Variants in CLDN11 observed in about 807,000 individuals in gnomAD.
CLDN11 encodes the protein claudin 11, also known as claudin-11.
A neutral mutation model predicts 18.0 loss-of-function variants in CLDN11; 1 was observed. That is an observed-to-expected ratio of 0.06 (90% confidence interval 0.02 to 0.26). The LOEUF is 0.26. CLDN11 is among the 10% of genes least tolerant of loss of function. The pLI is 1.00. For missense variants in CLDN11, 172 were observed against 276.6 expected, an observed-to-expected ratio of 0.62 and a Z score of 2.68; for synonymous variants, 116 against 121.5, an observed-to-expected ratio of 0.96 and a Z score of 0.30.
At position 170,418,980 on chromosome 3, in the gene CLDN11, T is replaced by C. The variant is rs1738653764; in HGVS notation, c.-87T>C. The stretch of plus-strand genomic sequence containing the variant: ...GTCGCCCTCCAGCGGCTCGCGAGCG[T>C]GGGAGACGTACCTGGGCAGGCACTG... On this transcript the variant is annotated 5_prime_UTR_variant, in exon 1 of 3. Transcript: ENST00000064724. This position sits in a 1 kb window ranked among gnomAD's most constrained non-coding sequence, Gnocchi z 4.3. 2.0e-6 allele frequency: 2 copies of C among 996,438 alleles called. No individual in the cohort carries two copies. The highest frequency in any genetic ancestry group is 3.0e-6 in the Non-Finnish European group (2 of 666,398). The allele number at this position is 996,438 out of a possible 1,614,324, so 61.7% of individuals were successfully genotyped here. A position where few individuals can be genotyped will look rare whatever the true frequency, so the allele number is the denominator to read the frequency against.
intron 2 of CLDN11, among the ~76,000 whole-genome samples, chr3:170,425,618 G>T (rs1738835662): frequency 6.6e-6 from 1 of 152,138 alleles, no homozygotes; most frequent in African/African-American, 2.4e-5. Flanking sequence ...CTGGGGAGTG[G>T]GTGAGTGCCT....
rs1739072225 is a variant in CLDN11, at chr3:170,433,900, C to G, written c.*1144C>G. The G allele has an allele frequency of 6.6e-6, 1 of 152,484 alleles. No individual in the cohort carries two copies. The highest frequency in any genetic ancestry group is 1.5e-5 in the Non-Finnish European group (1 of 68,020). 9.4% of individuals were successfully genotyped at this position (152,484 alleles called of 1,614,324 possible). A position where few individuals can be genotyped will look rare whatever the true frequency, so the allele number is the denominator to read the frequency against. On this transcript the variant is annotated 3_prime_UTR_variant, in exon 3 of 3. Coordinates refer to ENST00000064724, the MANE Select transcript of CLDN11 (RefSeq NM_005602.6). The stretch of plus-strand genomic sequence containing the variant: ...AAACTAACACATTTTTAAAGCTTTC[C>G]CCCACTTTTCTCTCTATTTGTATTG...
Position 170,432,683 on chromosome 3 carries a change from C to A in CLDN11, c.551C>A (p.Ala184Asp). ...VILCCAGDAQ[A>D]FGENRFYYTA... ...CTCTGCTGCGCTGGAGATGCCCAGG[C>A]CTTTGGTGAAAACCGTTTCTACTAC... is the stretch of plus-strand genomic sequence containing the variant. Residue 184 changes from alanine to aspartate, a missense_variant, in exon 3 of 3, where the codon GCC becomes GAC. This residue lies in a region of CLDN11 where 161 missense variants were observed against 240.3 expected (regional missense o/e 0.67). Transcript: ENST00000064724. 1.2e-6 allele frequency: 2 copies of A among 1,614,188 alleles called. No individual in the cohort carries two copies. Among genetic ancestry groups the A allele is most frequent in the Non-Finnish European group, 1.7e-6 (2 of 1,180,034 alleles).
At position 170,433,806 on chromosome 3, in the gene CLDN11, G is replaced by A. The variant is rs1739070278; in HGVS notation, c.*1050G>A. ...GCAAGTGAGTATAACTCTAACTGAT[G>A]TTCCACAAAACATTTTTGATTTCAG... On this transcript the variant is annotated 3_prime_UTR_variant, in exon 3 of 3. Coordinates refer to ENST00000064724, the MANE Select transcript of CLDN11 (RefSeq NM_005602.6). 6.6e-6 allele frequency: 1 copy of A among 152,608 alleles called. No homozygotes were observed. Among genetic ancestry groups the A allele is most frequent in the Non-Finnish European group, 1.5e-5 (1 of 68,034 alleles). The allele number at this position is 152,608 out of a possible 1,614,324, so 9.5% of individuals were successfully genotyped here. A position where few individuals can be genotyped will look rare whatever the true frequency, so the allele number is the denominator to read the frequency against.
rs551425733 is a variant in CLDN11 at position 170,434,419 on chromosome 3, A to C, written c.*1663A>C. The stretch of plus-strand genomic sequence containing the variant: ...TTAATGTCCTTCATCTACTTCTAAC[A>C]CTTAGTAAAGGAATTGATTGGCTAG... On this transcript the variant is annotated 3_prime_UTR_variant, in exon 3 of 3. Coordinates refer to ENST00000064724, the MANE Select transcript of CLDN11 (RefSeq NM_005602.6). Among the ~76,000 whole-genome samples, 2 of 152,338 alleles carry C rather than the reference A, an allele frequency of 1.3e-5. No individual in the cohort carries two copies. The highest frequency in any genetic ancestry group is 4.1e-4 in the South Asian group (2 of 4,834).
intron 2 of CLDN11, among the ~76,000 whole-genome samples, chr3:170,426,502 G>A (rs986937492): frequency 6.6e-6 from 1 of 152,200 alleles, no homozygotes; most frequent in East Asian, 1.9e-4. Context: ...GCTGGAGTCA[G>A]ATCCAACTGT....
Position 170,418,884 on chromosome 3 carries a change from C to G in CLDN11, c.-183C>G. On this transcript the variant is annotated 5_prime_UTR_variant, in exon 1 of 3. Transcript: ENST00000064724. The surrounding 1 kb of genome is among the most constrained non-coding windows in gnomAD (Gnocchi z 4.3). Reference sequence around the variant, plus strand: ...CTGCCCAGCAGCGCTGCTGTCCCCGCCGTGCGCCCTTCGCCGCTGAGCTCG... The same window carrying G: ...CTGCCCAGCAGCGCTGCTGTCCCCGGCGTGCGCCCTTCGCCGCTGAGCTCG... 1.8e-6 allele frequency: 1 copy of G among 558,168 alleles called. No homozygotes were observed. Among genetic ancestry groups the G allele is most frequent in the Non-Finnish European group, 3.2e-6 (1 of 315,334 alleles). The allele number at this position is 558,168 out of a possible 1,614,324, so 34.6% of individuals were successfully genotyped here. A position where few individuals can be genotyped will look rare whatever the true frequency, so the allele number is the denominator to read the frequency against.
At position 170,419,559 on chromosome 3, in the gene CLDN11, G is replaced by T. The variant is rs565889914; in HGVS notation, c.226+267G>T. On this transcript the variant is annotated intron_variant, in intron 1 of 2. Coordinates refer to ENST00000064724, the MANE Select transcript of CLDN11 (RefSeq NM_005602.6). The surrounding 1 kb of genome is among the most constrained non-coding windows in gnomAD (Gnocchi z 8.6). ...GGGTCCCTTTGAGAATGAACAAACC[G>T]GAACACCTAATAGGAACTGAGTCCG... 5.3e-5 allele frequency among the ~76,000 whole-genome samples: 8 copies of T among 152,316 alleles called. No individual in the cohort carries two copies. The highest frequency in any genetic ancestry group is 1.2e-4 in the Non-Finnish European group (8 of 68,034).
chr3:170,434,069 T>G lies in CLDN11; in HGVS notation c.*1313T>G, dbSNP rs1739075967. 1 of 152,632 alleles carries G rather than the reference T, an allele frequency of 6.6e-6. No homozygotes were observed. The highest frequency in any genetic ancestry group is 2.1e-4 in the South Asian group (1 of 4,824). The allele number at this position is 152,632 out of a possible 1,614,324, so 9.5% of individuals were successfully genotyped here. On this transcript the variant is annotated 3_prime_UTR_variant, in exon 3 of 3. Coordinates refer to ENST00000064724, the MANE Select transcript of CLDN11 (RefSeq NM_005602.6). Reference sequence around the variant, plus strand: ...TGCATTTTATTCTTGAAGTGAAATCTGTGCAATAAAATAACAGACTGTCTG... The same window carrying G: ...TGCATTTTATTCTTGAAGTGAAATCGGTGCAATAAAATAACAGACTGTCTG...
At chr3:170,424,459 A>G (rs868572843) in intron 2 of CLDN11, among the ~76,000 whole-genome samples, 8 of 152,154 alleles carry the variant, frequency 5.3e-5, no homozygotes, top group African/African-American at 1.9e-4. Flanking sequence ...TGCTGATTAT[A>G]CCTGCACATA....
chr3:170,422,239 A>G lies in CLDN11; in HGVS notation c.227-924A>G, dbSNP rs556634149. 5.5e-5 allele frequency among the ~76,000 whole-genome samples: 8 copies of G among 146,038 alleles called. 1 individual carries two copies. Among genetic ancestry groups the G allele is most frequent in the South Asian group, 4.5e-4 (2 of 4,444 alleles). On this transcript the variant is annotated intron_variant, in intron 1 of 2. Transcript: ENST00000064724. ...TGGTTAGGAGAAAATCACCTAGGAC[A>G]CCTGAAGATGAAAGCGCTGCACTGA...
Position 170,419,809 on chromosome 3 carries a change from C to T in CLDN11, c.226+517C>T, listed in dbSNP as rs1420302066. Among the ~76,000 whole-genome samples the T allele has an allele frequency of 1.3e-5, 2 of 152,252 alleles. No individual in the cohort carries two copies. Among genetic ancestry groups the T allele is most frequent in the African/African-American group, 2.4e-5 (1 of 41,476 alleles). ...AAGCGCCCCCGGCCAGGTTAGAGCC[C>T]TCCTAGCTCCGTCCGCGCAGCCGCT... On this transcript the variant is annotated intron_variant, in intron 1 of 2. Transcript: ENST00000064724. The surrounding 1 kb of genome is among the most constrained non-coding windows in gnomAD (Gnocchi z 8.6).
rs1470606662 is a variant in CLDN11, at chr3:170,434,691, A to C, written c.*1935A>C. ...AATACTAATTTCATTAGCTGATAGT[A>C]TAGTAATTGGCAAACATTTCCTCTT... On this transcript the variant is annotated 3_prime_UTR_variant, in exon 3 of 3. Transcript: ENST00000064724. Among the ~76,000 whole-genome samples the C allele has an allele frequency of 6.6e-6, 1 of 152,240 alleles. No homozygotes were observed. Among genetic ancestry groups the C allele is most frequent in the Non-Finnish European group, 1.5e-5 (1 of 68,050 alleles).
At chr3:170,421,158 G>A (rs928362870) in intron 1 of CLDN11, 5 of 292,484 alleles carry the variant, frequency 1.7e-5, no homozygotes, top group African/African-American at 2.3e-5. Flanking sequence ...GGGGTGGGGG[G>A]GGGGTGGGGG....
intron 2 of CLDN11, among the ~76,000 whole-genome samples, chr3:170,424,353 G>A (rs767025925): frequency 2.3e-4 from 35 of 152,200 alleles, no homozygotes; most frequent in Admixed American, 4.6e-4. Flanking sequence ...GAAGAACCCA[G>A]CAGTAAGCTC....
chr3:170,425,819 A>ACTGC (rs1738840353), intron 2 of CLDN11, among the ~76,000 whole-genome samples: 1 of 152,168 alleles, frequency 6.6e-6, no homozygotes, highest in Non-Finnish European at 1.5e-5. Flanking sequence ...GTGGATCACC[A>ACTGC]CTGCCTTTGG....
At chr3:170,432,478 G>A (rs1471170864) in intron 2 of CLDN11, 46 bp from the exon 3 acceptor site, 1 of 1,607,302 alleles carries the variant, frequency 6.2e-7, no homozygotes, top group Non-Finnish European at 8.5e-7. Context: ...CAAGTGCTTG[G>A]TGTGTGATGG....
At chr3:170,427,209 A>G (rs1384318522) in intron 2 of CLDN11, among the ~76,000 whole-genome samples, 3 of 152,362 alleles carry the variant, frequency 2.0e-5, no homozygotes, top group Middle Eastern at 3.4e-3. Context: ...GATTTTTAAA[A>G]GGAAATCTTA....
intron 1 of CLDN11, among the ~76,000 whole-genome samples, chr3:170,420,277 C>T (rs1738692505): frequency 6.6e-6 from 1 of 152,220 alleles, no homozygotes; most frequent in Admixed American, 6.5e-5. Flanking sequence ...AATCTCTGCT[C>T]TACCCCCAAG....
Sources: allele counts gnomAD v4.1 joint callset (sites outside exome capture counted in the v4.1 genomes callset), GRCh38; gene constraint gnomAD v4.1.1; regional missense constraint gnomAD v4.1.1; non-coding constraint Gnocchi (gnomAD v3.1); transcripts MANE v1.5; gene names NCBI Gene and HGNC (gene_info 2026-07-23, HGNC 2026-07-21).